SPTBN1: variants seen among roughly 807,000 people sequenced by gnomAD.
SPTBN1 encodes spectrin beta chain, non-erythrocytic 1.
A neutral mutation model predicts 266.4 loss-of-function variants in SPTBN1; 32 were observed. That is an observed-to-expected ratio of 0.12 (90% CI 0.09 to 0.16). SPTBN1 has a LOEUF of 0.16. Ranked by LOEUF, SPTBN1 falls within the 10% of genes least tolerant of loss-of-function variation. SPTBN1 has a pLI of 1.00. For missense variants in SPTBN1, 2,296 were observed against 3,067.1 expected, an observed-to-expected ratio of 0.75 and a Z score of 5.94; for synonymous variants, 1,336 against 1,162.2, an observed-to-expected ratio of 1.15 and a Z score of -3.04.
At chr2:54,608,846 ACAGT>A (rs1246466685) in intron 3 of SPTBN1, among the ~76,000 whole-genome samples, 3 of 152,218 alleles carry the variant, frequency 2.0e-5, no homozygotes, top group African/African-American at 7.2e-5. Context: ...AATAATATAA[ACAGT>A]CAATTAACAT....
chr2:54,575,017 G>C (rs754955659), intron 2 of SPTBN1, among the ~76,000 whole-genome samples: 3 of 152,208 alleles, frequency 2.0e-5, no homozygotes, highest in Non-Finnish European at 4.4e-5. Context: ...AAGAAAATGG[G>C]TGATGGTGAA....
intron 4 of SPTBN1, 98 bp from the exon 5 acceptor site, chr2:54,616,108 TC>T: frequency 1.0e-6 from 1 of 958,244 alleles, no homozygotes; most frequent in Non-Finnish European, 1.6e-6. Context: ...AAGGCTATGA[TC>T]TACAGTTTAT....
chr2:54,565,984 G>T (rs1050427354), intron 2 of SPTBN1, among the ~76,000 whole-genome samples: 1 of 152,154 alleles, frequency 6.6e-6, no homozygotes, highest in Admixed American at 6.5e-5. Context: ...TGTGGACAGT[G>T]ACAGAGCATT....
chr2:54,504,052 T>C (rs1231981484), intron 1 of SPTBN1, among the ~76,000 whole-genome samples: 1 of 152,232 alleles, frequency 6.6e-6, no homozygotes, highest in African/African-American at 2.4e-5. Context: ...ATGCTGAATA[T>C]GTGTGCATTG....
intron 2 of SPTBN1, among the ~76,000 whole-genome samples, chr2:54,563,593 CTTTTTTTT>C (rs750173696): frequency 2.3e-4 from 15 of 64,454 alleles, no homozygotes; most frequent in African/African-American, 7.7e-4. Context: ...AAAATTTATT[CTTTTTTTT>C]TTTTTTTTTT....
intron 2 of SPTBN1, among the ~76,000 whole-genome samples, chr2:54,547,945 C>A (rs1237978867): frequency 5.9e-5 from 9 of 151,916 alleles, no homozygotes; most frequent in Admixed American, 5.9e-4. Context: ...AGATCGAGAC[C>A]ATCCTGGCTA....
At chr2:54,602,043 G>A (rs529220906) in intron 3 of SPTBN1, among the ~76,000 whole-genome samples, 1 of 152,296 alleles carries the variant, frequency 6.6e-6, no homozygotes, top group South Asian at 2.1e-4. Flanking sequence ...CTCCCTCTCG[G>A]TCTCAGGTGT....
chr2:54,525,051 A>G (rs184491382), intron 1 of SPTBN1, among the ~76,000 whole-genome samples: 3 of 152,212 alleles, frequency 2.0e-5, no homozygotes, highest in Admixed American at 2.0e-4. Context: ...TATTGCGTTC[A>G]TTTTTATCCC....
intron 1 of SPTBN1, among the ~76,000 whole-genome samples, chr2:54,521,699 A>AG (rs1357355534): frequency 1.3e-5 from 2 of 151,754 alleles, no homozygotes; most frequent in East Asian, 3.9e-4. Context: ...GAGATAGTGA[A>AG]GAAGGGTTGG....
At chr2:54,469,240 G>A (rs956606167) in intron 1 of SPTBN1, among the ~76,000 whole-genome samples, 3 of 152,168 alleles carry the variant, frequency 2.0e-5, no homozygotes, top group African/African-American at 7.2e-5. Flanking sequence ...GGAAAAGAGG[G>A]AGTGGGAAGA....
chr2:54,541,858 G>A (rs1464873079), intron 2 of SPTBN1, among the ~76,000 whole-genome samples: 1 of 152,172 alleles, frequency 6.6e-6, no homozygotes, highest in Non-Finnish European at 1.5e-5. Context: ...GTGTATTTGT[G>A]TGTATCCACA....
intron 2 of SPTBN1, among the ~76,000 whole-genome samples, chr2:54,571,211 G>A (rs1157482534): frequency 2.6e-5 from 4 of 151,992 alleles, no homozygotes; most frequent in African/African-American, 4.8e-5. Context: ...GCTGTGGGAC[G>A]TTTTCTCTCT....
chr2:54,501,019 GGACTGACCCAAATAAGGAAT>G (rs1669236553), intron 1 of SPTBN1, among the ~76,000 whole-genome samples: 1 of 152,104 alleles, frequency 6.6e-6, no homozygotes, highest in African/African-American at 2.4e-5. Context: ...TCCTCTGCTG[GGACTGACCCAAATAAGGAAT>G]GGCTGATTTC....
intron 1 of SPTBN1, among the ~76,000 whole-genome samples, chr2:54,521,200 GTT>G (rs1670417807): frequency 2.0e-5 from 3 of 152,152 alleles, no homozygotes; most frequent in Non-Finnish European, 4.4e-5. Context: ...GCATGCTGGA[GTT>G]TGGAGTCTCC....
intron 1 of SPTBN1, among the ~76,000 whole-genome samples, chr2:54,465,336 T>C (rs1228221717): frequency 6.6e-6 from 1 of 152,188 alleles, no homozygotes; most frequent in Non-Finnish European, 1.5e-5. Flanking sequence ...ATGACGTGCA[T>C]GTTCTCACTC....
At chr2:54,602,752 TG>T (rs1398287651) in intron 3 of SPTBN1, among the ~76,000 whole-genome samples, 1 of 152,170 alleles carries the variant, frequency 6.6e-6, no homozygotes, top group Non-Finnish European at 1.5e-5. Context: ...TGTTTGTGTA[TG>T]TTGCCACCAT....
In SPTBN1 at chr2:54,653,597, A is replaced by G. The variant is rs751529336; in HGVS notation, c.5578-12A>G. 9.9e-6 allele frequency: 16 copies of G among 1,612,492 alleles called. No homozygotes were observed. The Admixed American group carries it at 1.3e-4, about 14-fold the overall frequency. On this transcript the variant is annotated splice_polypyrimidine_tract_variant and intron_variant, in intron 26 of 35. Transcript: ENST00000356805. This position sits in a 1 kb window ranked among gnomAD's most constrained non-coding sequence, Gnocchi z 5.1. The stretch of plus-strand genomic sequence containing the variant: ...TGGGCTGACCTGGCTCATCCCCTAC[A>G]TGGCTTCACAGGTGAGGCAGCTGCA...
At chr2:54,637,575 C>A in intron 17 of SPTBN1, 138 bp from the exon 18 acceptor site, 1 of 675,724 alleles carries the variant, frequency 1.5e-6, no homozygotes, top group Non-Finnish European at 2.4e-6. Context: ...TTTATCTTGT[C>A]TCCTTCACAT....
intron 1 of SPTBN1, among the ~76,000 whole-genome samples, chr2:54,522,701 A>AGAGAGAGAGAGAG (rs1558802720): frequency 1.4e-5 from 1 of 70,144 alleles, no homozygotes; most frequent in Non-Finnish European, 3.1e-5. Flanking sequence ...GAGAGAGAGA[A>AGAGAGAGAGAGAG]AGAAAGAAAG....
Sources: allele counts gnomAD v4.1 joint callset (sites outside exome capture counted in the v4.1 genomes callset), GRCh38; gene constraint gnomAD v4.1.1; non-coding constraint Gnocchi (gnomAD v3.1); transcripts MANE v1.5; gene names NCBI Gene and HGNC (gene_info 2026-07-23, HGNC 2026-07-21).